The following CALD1 variants were observed in gnomAD, a reference collection of about 807,000 sequenced individuals.
The protein encoded by CALD1 is caldesmon.
In CALD1, 33 loss-of-function variants were observed where a neutral mutation model predicts 99.9. That is an observed-to-expected ratio of 0.33 (90% CI 0.25 to 0.44). The LOEUF (loss-of-function observed/expected upper bound fraction) is 0.44, where lower values mean the gene tolerates loss of function less well. Ranked by LOEUF, CALD1 falls within the 20% of genes least tolerant of loss-of-function variation. CALD1 has a pLI of 1.00. For synonymous variants in CALD1, 310 were observed against 325.0 expected, an observed-to-expected ratio of 0.95 and a Z score of 0.50; for missense variants, 861 against 962.1, an observed-to-expected ratio of 0.89 and a Z score of 1.39.
At chr7:134,825,886 GCACATTT>G (rs1309175730) in intron 1 of CALD1, among the ~76,000 whole-genome samples, 8 of 152,008 alleles carry the variant, frequency 5.3e-5, no homozygotes. Flanking sequence ...AGAAATACAT[GCACATTT>G]CTCAATGTCT....
chr7:134,931,683 T>C (rs188740949), intron 4 of CALD1, among the ~76,000 whole-genome samples: 62 of 152,292 alleles, frequency 4.1e-4, no homozygotes, highest in African/African-American at 1.3e-3. Flanking sequence ...TTCCTGCAAA[T>C]AGAAACCAAC....
the CALD1 span, among the ~76,000 whole-genome samples, chr7:134,735,428 A>T: frequency 6.6e-6 from 1 of 152,194 alleles, no homozygotes; most frequent in Admixed American, 6.5e-5. Flanking sequence ...ACCTGGAAAC[A>T]TAAACTTGGG....
At chr7:134,737,182 T>C in the CALD1 span, among the ~76,000 whole-genome samples, 1 of 152,232 alleles carries the variant, frequency 6.6e-6, no homozygotes, top group Non-Finnish European at 1.5e-5. Context: ...TGGAGTGCAG[T>C]GGCACTATCA....
At chr7:134,918,545 A>G (rs753341741) in intron 3 of CALD1, among the ~76,000 whole-genome samples, 3 of 152,246 alleles carry the variant, frequency 2.0e-5, no homozygotes, top group Non-Finnish European at 4.4e-5. Flanking sequence ...GCAAGAGAAT[A>G]ATTCAGAGAT....
intron 3 of CALD1, among the ~76,000 whole-genome samples, chr7:134,906,111 G>GT (rs1177681809): frequency 6.6e-6 from 1 of 151,252 alleles, no homozygotes; most frequent in Non-Finnish European, 1.5e-5. Flanking sequence ...TGTATTGTTA[G>GT]TAGAGACAGG....
intron 3 of CALD1, among the ~76,000 whole-genome samples, chr7:134,908,254 CAT>C (rs1397181903): frequency 2.0e-5 from 3 of 152,112 alleles, no homozygotes; most frequent in Non-Finnish European, 2.9e-5. Context: ...ATATTTAACA[CAT>C]GTTTAAAAAG....
intron 13 of CALD1, among the ~76,000 whole-genome samples, chr7:134,964,203 A>G (rs1286296537): frequency 6.6e-6 from 1 of 152,164 alleles, no homozygotes; most frequent in Non-Finnish European, 1.5e-5. Context: ...TCACAACAGA[A>G]AAAGAAGAAA....
At chr7:134,776,583 T>G (rs1028929142), upstream of CALD1, among the ~76,000 whole-genome samples, 5 of 152,312 alleles carry the variant, frequency 3.3e-5, no homozygotes, top group Middle Eastern at 6.8e-3. Context: ...TTGGTACTTT[T>G]GTGTCCAATT....
At chr7:134,922,915 T>C (rs1804721754) in intron 3 of CALD1, among the ~76,000 whole-genome samples, 1 of 152,210 alleles carries the variant, frequency 6.6e-6, no homozygotes, top group South Asian at 2.1e-4. Context: ...AGCTTTCCCA[T>C]TGCATATATA....
chr7:134,924,135 G>T (rs1202279731), intron 3 of CALD1, among the ~76,000 whole-genome samples: 1 of 152,128 alleles, frequency 6.6e-6, no homozygotes, highest in African/African-American at 2.4e-5. Flanking sequence ...TAAAGAAATG[G>T]TTTGTGAAAT....
chr7:134,820,721 G>C (rs181083434), intron 1 of CALD1, among the ~76,000 whole-genome samples: 98 of 152,210 alleles, frequency 6.4e-4, no homozygotes, highest in African/African-American at 2.1e-3. Context: ...AATTTCAAAG[G>C]AAAAATCTAT....
At chr7:134,850,131 T>C (rs953906681) in intron 2 of CALD1, among the ~76,000 whole-genome samples, 2 of 152,218 alleles carry the variant, frequency 1.3e-5, no homozygotes, top group Non-Finnish European at 2.9e-5. Flanking sequence ...CAAGTGAACA[T>C]AAACAGAAGA....
intron 1 of CALD1, among the ~76,000 whole-genome samples, chr7:134,793,655 C>T (rs1797628820): frequency 6.6e-6 from 1 of 152,072 alleles, no homozygotes; most frequent in Non-Finnish European, 1.5e-5. Context: ...CAAACTGGGA[C>T]ACGTTGAAGA....
chr7:134,844,406 ATC>A (rs1344552970), intron 2 of CALD1: 3 of 152,108 alleles, frequency 2.0e-5, no homozygotes, highest in African/African-American at 7.2e-5. Flanking sequence ...CTTTCAACAA[ATC>A]TCTCTCACCT....
intron 3 of CALD1, among the ~76,000 whole-genome samples, chr7:134,870,148 G>C (rs910940156): frequency 1.3e-5 from 2 of 152,188 alleles, no homozygotes; most frequent in South Asian, 4.2e-4. Context: ...AGTAGACATG[G>C]TTCTTGCCTT....
intron 2 of CALD1, among the ~76,000 whole-genome samples, chr7:134,856,993 T>C (rs1398489326): frequency 6.6e-6 from 1 of 152,044 alleles, no homozygotes; most frequent in Non-Finnish European, 1.5e-5. Flanking sequence ...CGAAAGACAG[T>C]AATCATTTCT....
chr7:134,935,250 AC>A (rs1805872064), intron 5 of CALD1, among the ~76,000 whole-genome samples: 1 of 151,940 alleles, frequency 6.6e-6, no homozygotes, highest in Non-Finnish European at 1.5e-5. Flanking sequence ...CCACCACACC[AC>A]CACCACCACT....
At chr7:134,775,193 T>C (rs1796907700), upstream of CALD1, among the ~76,000 whole-genome samples, 1 of 152,200 alleles carries the variant, frequency 6.6e-6, no homozygotes, top group African/African-American at 2.4e-5. Flanking sequence ...TCTTCTTTAT[T>C]TGTAATACTT....
chr7:134,949,923 CA>C (rs1807204194), intron 8 of CALD1, among the ~76,000 whole-genome samples: 2 of 149,534 alleles, frequency 1.3e-5, no homozygotes, highest in Non-Finnish European at 3.0e-5. Context: ...AAAAAAAAAT[CA>C]CAAAAAGGTC....
Sources: gnomAD v4.1 joint callset for allele counts (sites outside exome capture counted in the v4.1 genomes callset) on GRCh38, gnomAD v4.1.1 for gene constraint, MANE v1.5 for transcripts, NCBI Gene and HGNC (gene_info 2026-07-23, HGNC 2026-07-21) for gene names.